The following FANK1 variants were observed in gnomAD, a reference collection of about 807,000 sequenced individuals.
FANK1 encodes the protein fibronectin type 3 and ankyrin repeat domains protein 1.
In FANK1, 44 loss-of-function variants were observed where a neutral mutation model predicts 45.3. The observed-to-expected ratio is 0.97, with a 90% confidence interval of 0.76 to 1.25. FANK1 has a LOEUF of 1.25. FANK1 is among the 50% of genes most tolerant of loss of function. The pLI is 0.00. For missense variants in FANK1, 391 were observed against 424.4 expected, an observed-to-expected ratio of 0.92 and a Z score of 0.69; for synonymous variants, 149 against 152.5, an observed-to-expected ratio of 0.98 and a Z score of 0.17.
rs1951351760 is a variant in FANK1, at chr10:125,983,455, A to G, written c.191+3117A>G. Among the ~76,000 whole-genome samples, 1 of 152,198 alleles carries G rather than the reference A, an allele frequency of 6.6e-6. No homozygotes were observed. The highest frequency in any genetic ancestry group is 2.4e-5 in the African/African-American group (1 of 41,436). On this transcript the variant is annotated intron_variant, in intron 2 of 10. Transcript: ENST00000368693. This position sits in a 1 kb window ranked among gnomAD's most constrained non-coding sequence, Gnocchi z 4.3. Reference sequence around the variant, plus strand: ...AACAATAAATAAGATACATAAGTAAAAATAGGTAGTCAGCAGGCAATACAT... The same window carrying G: ...AACAATAAATAAGATACATAAGTAAGAATAGGTAGTCAGCAGGCAATACAT...
chr10:125,964,934 G>A (rs1224487559), intron 1 of FANK1, among the ~76,000 whole-genome samples: 5 of 152,290 alleles, frequency 3.3e-5, no homozygotes, highest in South Asian at 2.1e-4. Flanking sequence ...CAAGGCTGGC[G>A]GAGCACCTGA....
At chr10:125,925,662 ACTGGGATTACAGACATGTGCCGCCAAGC>A in intron 1 of FANK1, among the ~76,000 whole-genome samples, 1 of 152,292 alleles carries the variant, frequency 6.6e-6, no homozygotes, top group South Asian at 2.1e-4. Context: ...TTCCTGAGTC[ACTGGGATTACAGACATGTGCCGCCAAGC>A]CTGGCTCCTC....
At chr10:125,993,504 T>G (rs913373100) in intron 3 of FANK1, among the ~76,000 whole-genome samples, 3 of 152,196 alleles carry the variant, frequency 2.0e-5, no homozygotes, top group African/African-American at 7.2e-5. Flanking sequence ...CCTGTGCACT[T>G]ATGGATTCTT....
intron 3 of FANK1, among the ~76,000 whole-genome samples, chr10:125,991,138 C>T (rs928466806): frequency 9.2e-5 from 14 of 152,278 alleles, no homozygotes; most frequent in South Asian, 8.3e-4. Context: ...TGAGCTGGCT[C>T]CAGAGGCAGC....
chr10:125,911,881 T>A (rs78476317), intron 1 of FANK1, among the ~76,000 whole-genome samples: 1 of 152,246 alleles, frequency 6.6e-6, no homozygotes, highest in South Asian at 2.1e-4. Flanking sequence ...GTTAACCTTA[T>A]ATAGGGCGGG....
intron 1 of FANK1, among the ~76,000 whole-genome samples, chr10:125,929,742 G>C (rs1436697454): frequency 6.6e-6 from 1 of 152,100 alleles, no homozygotes; most frequent in Non-Finnish European, 1.5e-5. Context: ...GGAATGAAGG[G>C]ATTTATAGAA....
At chr10:125,930,583 C>G (rs945677520) in intron 1 of FANK1, among the ~76,000 whole-genome samples, 1 of 151,878 alleles carries the variant, frequency 6.6e-6, no homozygotes, top group East Asian at 1.9e-4. Flanking sequence ...GGCAATCCTC[C>G]GCTTTGACCT....
chr10:125,913,819 G>T (rs1261655953), intron 1 of FANK1, among the ~76,000 whole-genome samples: 1 of 152,208 alleles, frequency 6.6e-6, no homozygotes, highest in Non-Finnish European at 1.5e-5. Flanking sequence ...ATGCAGTGCT[G>T]TGTGAATGGT....
chr10:125,908,354 A>G (rs1287878833), intron 1 of FANK1, among the ~76,000 whole-genome samples: 1 of 152,234 alleles, frequency 6.6e-6, no homozygotes, highest in African/African-American at 2.4e-5. Flanking sequence ...AATCAGTTCA[A>G]ATGCCCATCA....
intron 8 of FANK1, 35 bp from the exon 9 acceptor site, chr10:126,009,009 TGGAGGGAGAA>T (rs765512098): frequency 1.3e-6 from 2 of 1,584,148 alleles, no homozygotes; most frequent in South Asian, 2.2e-5. Context: ...GTGTGTGCCC[TGGAGGGAGAA>T]GCTCATGCAC....
intron 1 of FANK1, among the ~76,000 whole-genome samples, chr10:125,922,827 A>C (rs146752954): frequency 0.015 from 2,305 of 152,324 alleles, 58 homozygotes; most frequent in African/African-American, 0.051. Flanking sequence ...ACATCTTAAA[A>C]ATGATTTCTG....
At chr10:125,928,133 G>A (rs573861115) in intron 1 of FANK1, among the ~76,000 whole-genome samples, 1 of 152,162 alleles carries the variant, frequency 6.6e-6, no homozygotes, top group Admixed American at 6.5e-5. Flanking sequence ...GTGATAGCAG[G>A]TTTATTAAGA....
chr10:125,935,041 T>C (rs1173685652), intron 1 of FANK1, among the ~76,000 whole-genome samples: 1 of 152,154 alleles, frequency 6.6e-6, no homozygotes, highest in Non-Finnish European at 1.5e-5. Flanking sequence ...CTCTTCTGCC[T>C]GGGGGTGTGG....
At chr10:125,944,413 C>T (rs1024359849) in intron 1 of FANK1, among the ~76,000 whole-genome samples, 2 of 152,176 alleles carry the variant, frequency 1.3e-5, no homozygotes, top group African/African-American at 4.8e-5. Flanking sequence ...CTAGAAATTT[C>T]TGTTACTTGA....
chr10:125,930,072 T>G (rs1317763472), intron 1 of FANK1, among the ~76,000 whole-genome samples: 1 of 152,206 alleles, frequency 6.6e-6, no homozygotes, highest in Non-Finnish European at 1.5e-5. Flanking sequence ...TTCTTTTTTT[T>G]GTGACGAGGT....
chr10:125,934,828 C>G (rs1947988897), intron 1 of FANK1, among the ~76,000 whole-genome samples: 1 of 138,632 alleles, frequency 7.2e-6, no homozygotes, highest in Non-Finnish European at 1.5e-5. Flanking sequence ...TCTGGCTGTC[C>G]TCACAACTCT....
chr10:125,994,246 T>C (rs955644928), intron 3 of FANK1: 3 of 364,248 alleles, frequency 8.2e-6, no homozygotes, highest in Middle Eastern at 1.3e-3. Flanking sequence ...GAGTGGATAT[T>C]TTCTTTCAGG....
chr10:125,994,651 T>C, intron 3 of FANK1: 2 of 985,426 alleles, frequency 2.0e-6, no homozygotes, highest in Non-Finnish European at 2.4e-6. Flanking sequence ...AATCAGAAGG[T>C]GTAGAATAAA....
At chr10:125,907,391 T>G in intron 1 of FANK1, 1 of 638,722 alleles carries the variant, frequency 1.6e-6, no homozygotes, top group African/African-American at 2.0e-5. Context: ...TAGGCAGACT[T>G]CTAAGATGTT....
Sources: allele counts gnomAD v4.1 joint callset (sites outside exome capture counted in the v4.1 genomes callset), GRCh38; gene constraint gnomAD v4.1.1; non-coding constraint Gnocchi (gnomAD v3.1); transcripts MANE v1.5; gene names NCBI Gene and HGNC (gene_info 2026-07-23, HGNC 2026-07-21).